Variants in HGS observed in about 807,000 individuals in gnomAD.
The protein encoded by HGS is hepatocyte growth factor-regulated tyrosine kinase substrate.
HGS carries 63 observed loss-of-function variants against 109.7 expected under a neutral mutation model. That is an observed-to-expected ratio of 0.57 (90% CI 0.47 to 0.71). The LOEUF (loss-of-function observed/expected upper bound fraction) is 0.71, where lower values mean the gene tolerates loss of function less well. Among genes scored for constraint, HGS ranks in the 30% least tolerant of loss-of-function variants. The probability of loss-of-function intolerance (pLI) is 0.00; values close to 1 mark genes in which losing one functional copy is unlikely to be tolerated. For missense variants in HGS, 995 were observed against 1,068.3 expected (o/e 0.93, Z 0.96); for synonymous variants, 546 against 437.3 (o/e 1.25, Z -3.10).
At chr17:81,686,260 G>T in intron 2 of HGS, 52 bp from the exon 3 acceptor site, 1 of 1,478,998 alleles carries the variant, frequency 6.8e-7, no homozygotes, top group South Asian at 1.1e-5. Flanking sequence ...CTTAGTTGCT[G>T]AGACTATTTT....
chr17:81,692,773 G>A (rs1219858933), intron 8 of HGS: 2 of 152,156 alleles, frequency 1.3e-5, no homozygotes, highest in African/African-American at 4.8e-5. Context: ...ACGAGGCCAA[G>A]AGATCAAGAC....
intron 9 of HGS, 25 bp from the exon 10 acceptor site, chr17:81,693,629 C>G (rs754045134): frequency 6.5e-7 from 1 of 1,548,218 alleles, no homozygotes; most frequent in Non-Finnish European, 8.8e-7. Flanking sequence ...CGGCGCCCCC[C>G]CTCACCCTCC....
rs1336064374 is a variant in HGS, at chr17:81,691,642, G to A, written c.662+71G>A. On this transcript the variant is annotated intron_variant, in intron 8 of 21. Coordinates refer to ENST00000329138, the MANE Select transcript of HGS (RefSeq NM_004712.5). The surrounding 1 kb of genome is among the most constrained non-coding windows in gnomAD (Gnocchi z 5.3). ...CAGGCTGGGTTTTCTGTCCCTCTTG[G>A]CCATGGTGCCTGAGGCCTGCAGACC... The A allele has an allele frequency of 3.0e-5, 48 of 1,589,044 alleles. No individual in the cohort carries two copies. The highest frequency in any genetic ancestry group is 4.0e-5 in the Non-Finnish European group (47 of 1,161,856).
Position 81,688,690 on chromosome 17 carries a change from C to G in HGS, c.292-14C>G, listed in dbSNP as rs774753883. On this transcript the variant is annotated splice_polypyrimidine_tract_variant and intron_variant, in intron 4 of 21. Transcript: ENST00000329138. The stretch of plus-strand genomic sequence containing the variant: ...AGTGTCCTGCGACCCTCACCCCCTT[C>G]TCCCTGCCTGCAGAGACAAGTGGAG... The G allele has an allele frequency of 3.7e-6, 6 of 1,613,264 alleles. No individual in the cohort carries two copies. The highest frequency in any genetic ancestry group is 5.1e-6 in the Non-Finnish European group (6 of 1,179,660).
At position 81,693,495 on chromosome 17, in the gene HGS, G is replaced by C; in HGVS notation, c.663-8G>C. The C allele has an allele frequency of 6.2e-7, 1 of 1,610,826 alleles. No individual in the cohort carries two copies. Among genetic ancestry groups the C allele is most frequent in the Non-Finnish European group, 8.5e-7 (1 of 1,177,954 alleles). ...CATGGTGACCTGCAGCATTCCTTGT[G>C]CCCACAGGAAAGCGGAGGGAAAGGC... On this transcript the variant is annotated splice_polypyrimidine_tract_variant and splice_region_variant and intron_variant, in intron 8 of 21. Coordinates refer to ENST00000329138, the MANE Select transcript of HGS (RefSeq NM_004712.5).
intron 1 of HGS, 79 bp from the exon 2 acceptor site, chr17:81,685,526 C>A (rs2036965183): frequency 3.4e-6 from 3 of 892,534 alleles, no homozygotes; most frequent in Admixed American, 2.2e-5. Flanking sequence ...AGAGTCCCCC[C>A]CAGCTGCTGC....
At chr17:81,685,829 G>C (rs1302133790) in intron 2 of HGS, 140 bp downstream of exon 2, 2 of 589,720 alleles carry the variant, frequency 3.4e-6, no homozygotes, top group Non-Finnish European at 5.8e-6. Flanking sequence ...TACATGCTAG[G>C]ATTTTTTGAC....
intron 15 of HGS, 141 bp downstream of exon 15, chr17:81,696,140 A>T (rs1191873213): frequency 1.1e-6 from 1 of 920,942 alleles, no homozygotes; most frequent in Non-Finnish European, 1.6e-6. Context: ...GAGTGTCAAC[A>T]GGAGGTGGTC....
chr17:81,688,592 C>G (rs2037018069), intron 4 of HGS, 112 bp from the exon 5 acceptor site: 1 of 1,386,244 alleles, frequency 7.2e-7, no homozygotes, highest in Non-Finnish European at 9.9e-7. Context: ...TCCCTGGCCT[C>G]TGTGTCAGCC....
In HGS at chr17:81,688,808, C is replaced by T. The variant is rs1055975556; in HGVS notation, c.396C>T (p.Tyr132=). The change falls in exon 5 of 22, where the codon TAC becomes TAT. Residue 132 remains tyrosine, a synonymous_variant. Transcript: ENST00000329138. ...EPKYKVVQDT[Y]QIMKVEGHVF... ...AGTACAAGGTGGTCCAGGACACCTA[C>T]CAGATCATGAAGGTGGAGGGTGAGT... The T allele has an allele frequency of 6.2e-7, 1 of 1,614,142 alleles. No individual in the cohort carries two copies. Among genetic ancestry groups the T allele is most frequent in the East Asian group, 2.2e-5 (1 of 44,888 alleles).
chr17:81,693,953 C>T lies in HGS; in HGVS notation c.924C>T (p.Tyr308=), dbSNP rs576777997. 8 of 1,610,552 alleles carry T rather than the reference C, an allele frequency of 5.0e-6. No homozygotes were observed. In the East Asian group the frequency reaches 1.1e-4, roughly 22 times the overall value. Residue 308 remains tyrosine (Y), a synonymous_variant, in exon 11 of 22, where the codon TAC becomes TAT. Transcript: ENST00000329138. ...CAGCGCCCCCCGCCAGCAGCCTGTA[C>T]TCTTCACCTGTGGTGAGCGGCCCTT... ...ASSAPPASSL[Y]SSPVNSSAPL...
At chr17:81,686,413 G>A in intron 3 of HGS, 26 bp downstream of exon 3, 4 of 1,580,178 alleles carry the variant, frequency 2.5e-6, no homozygotes, top group Non-Finnish European at 3.5e-6. Context: ...TGCCTCAGTG[G>A]CCCCCAGGGT....
chr17:81,701,829 G>GCCCA lies in HGS; in HGVS notation c.*211_*212insCCCA. ...TCTCTGCTTTCTTTCCCCAGGGCTG[G>GCCCA]GCCATGGGGAGGGAAGGACTTTCTC... On this transcript the variant is annotated 3_prime_UTR_variant, in exon 22 of 22. Coordinates refer to ENST00000329138, the MANE Select transcript of HGS (RefSeq NM_004712.5). 2 of 668,708 alleles carry GCCCA rather than the reference G, an allele frequency of 3.0e-6. No individual in the cohort carries two copies. The highest frequency in any genetic ancestry group is 4.6e-6 in the Non-Finnish European group (2 of 438,290). The allele number at this position is 668,708 out of a possible 1,614,324, so 41.4% of individuals were successfully genotyped here.
chr17:81,700,002 G>A (rs1409785638), intron 18 of HGS, among the ~76,000 whole-genome samples: 1 of 151,196 alleles, frequency 6.6e-6, no homozygotes, highest in Non-Finnish European at 1.5e-5. Flanking sequence ...TTCAACCCAG[G>A]AAGCAGAGGT....
chr17:81,685,633 G>A lies in HGS; in HGVS notation c.66G>A (p.Glu22=). ...AGGCGACCAGCCAGCTCCTGTTGGAGACAGATTGGGAGTCCATTTTGCAGA... is the reference window on the plus strand; with the variant it reads ...AGGCGACCAGCCAGCTCCTGTTGGAAACAGATTGGGAGTCCATTTTGCAGA... The part of the protein sequence containing the change: ...LDKATSQLLL[E]TDWESILQIC... The change falls in exon 2 of 22, where the codon GAG becomes GAA. Residue 22 remains glutamate, a synonymous_variant. Coordinates refer to ENST00000329138, the MANE Select transcript of HGS (RefSeq NM_004712.5). 6.2e-7 allele frequency: 1 copy of A among 1,611,906 alleles called. No homozygotes were observed. The highest frequency in any genetic ancestry group is 8.5e-7 in the Non-Finnish European group (1 of 1,179,166).
intron 1 of HGS, 51 bp from the exon 2 acceptor site, chr17:81,685,554 C>G (rs530043070): frequency 8.6e-5 from 116 of 1,354,028 alleles, no homozygotes; most frequent in Admixed American, 6.8e-4. Flanking sequence ...GGGTGCTGCA[C>G]GGGGCGTCCA....
rs376858104 is a variant in HGS, at chr17:81,693,496, C to T, written c.663-7C>T. 8 of 1,609,598 alleles carry T rather than the reference C, an allele frequency of 5.0e-6. No homozygotes were observed. The African/African-American group carries it at 8.0e-5, about 16-fold the overall frequency. On this transcript the variant is annotated splice_polypyrimidine_tract_variant and splice_region_variant and intron_variant, in intron 8 of 21. Transcript: ENST00000329138. The stretch of plus-strand genomic sequence containing the variant: ...ATGGTGACCTGCAGCATTCCTTGTG[C>T]CCACAGGAAAGCGGAGGGAAAGGCC...
chr17:81,688,908 GCCTGGGAAGATGGGTTGTTC>G, intron 5 of HGS, 81 bp downstream of exon 5: 1 of 1,569,730 alleles, frequency 6.4e-7, no homozygotes, highest in Non-Finnish European at 8.7e-7. Flanking sequence ...GTGGCGAGGG[GCCTGGGAAGATGGGTTGTTC>G]CCTGTGTTGG....
In HGS at chr17:81,700,819, A is replaced by G. The variant is rs1404685313; in HGVS notation, c.2136+5A>G. 6.2e-7 allele frequency: 1 copy of G among 1,609,496 alleles called. No individual in the cohort carries two copies. Among genetic ancestry groups the G allele is most frequent in the Admixed American group, 1.7e-5 (1 of 59,786 alleles). On this transcript the variant is annotated splice_donor_5th_base_variant and intron_variant, in intron 20 of 21. Coordinates refer to ENST00000329138, the MANE Select transcript of HGS (RefSeq NM_004712.5). ...TACCAGCCTTACAACATGCAGGTAC[A>G]GTGACCTCCAGGCCCTGCTGGGGGC...
Sources: allele counts gnomAD v4.1 joint callset (sites outside exome capture counted in the v4.1 genomes callset), GRCh38; gene constraint gnomAD v4.1.1; non-coding constraint Gnocchi (gnomAD v3.1); transcripts MANE v1.5; gene names NCBI Gene and HGNC (gene_info 2026-07-23, HGNC 2026-07-21).